The following SPRED1 variants were observed in gnomAD, a reference collection of about 807,000 sequenced individuals.
The protein encoded by SPRED1 is sprouty related EVH1 domain containing 1.
Under a neutral mutation model 52.3 loss-of-function variants are expected in SPRED1, and 18 were observed. That is an observed-to-expected ratio of 0.34 (90% CI 0.24 to 0.51). The LOEUF (loss-of-function observed/expected upper bound fraction) is 0.51. SPRED1 is among the 20% of genes least tolerant of loss of function. SPRED1 has a pLI of 0.97. For missense variants in SPRED1, 485 were observed against 551.0 expected, an observed-to-expected ratio of 0.88 and a Z score of 1.20; for synonymous variants, 155 against 179.7, an observed-to-expected ratio of 0.86 and a Z score of 1.10.
chr15:38,299,757 CT>C (rs1306692355), intron 2 of SPRED1, among the ~76,000 whole-genome samples: 1 of 151,850 alleles, frequency 6.6e-6, no homozygotes, highest in African/African-American at 2.4e-5. Flanking sequence ...GGGGTTGCTG[CT>C]TTTCCATTTA....
intron 5 of SPRED1, among the ~76,000 whole-genome samples, chr15:38,340,995 ATTTTTTTT>A (rs36150872): frequency 7.8e-6 from 1 of 128,292 alleles, no homozygotes; most frequent in Non-Finnish European, 1.6e-5. Context: ...CTGGGCCTGG[ATTTTTTTT>A]TTTTTTTTTT....
chr15:38,265,381 AT>A (rs774449759), intron 1 of SPRED1, among the ~76,000 whole-genome samples: 3 of 152,144 alleles, frequency 2.0e-5, no homozygotes, highest in Non-Finnish European at 4.4e-5. Context: ...ATCAGTGCTC[AT>A]TTTCATTTAG....
chr15:38,265,190 C>T (rs188628117), intron 1 of SPRED1, among the ~76,000 whole-genome samples: 2 of 152,274 alleles, frequency 1.3e-5, no homozygotes, highest in East Asian at 1.9e-4. Context: ...TGGCAAATAA[C>T]ATAACCTGTC....
At chr15:38,333,582 A>G (rs1424684430) in intron 4 of SPRED1, among the ~76,000 whole-genome samples, 1 of 152,152 alleles carries the variant, frequency 6.6e-6, no homozygotes, top group African/African-American at 2.4e-5. Flanking sequence ...ATAGAAATTA[A>G]ATAGCAGAAA....
intron 2 of SPRED1, among the ~76,000 whole-genome samples, chr15:38,300,680 A>T (rs531176611): frequency 1.3e-4 from 20 of 152,170 alleles, no homozygotes; most frequent in Non-Finnish European, 2.8e-4. Flanking sequence ...CCCATGCTAC[A>T]CATTGTATAA....
At chr15:38,291,156 A>G (rs1894915693) in intron 1 of SPRED1, among the ~76,000 whole-genome samples, 1 of 152,224 alleles carries the variant, frequency 6.6e-6, no homozygotes, top group African/African-American at 2.4e-5. Flanking sequence ...TACAGGGCCC[A>G]TGCAAGTCTT....
chr15:38,349,794 T>A (rs997788167), intron 6 of SPRED1, among the ~76,000 whole-genome samples: 39 of 152,312 alleles, frequency 2.6e-4, no homozygotes, highest in African/African-American at 8.9e-4. Context: ...TCACCCCACC[T>A]TTAGCTCAGA....
At chr15:38,299,950 G>A (rs1377839465) in intron 2 of SPRED1, among the ~76,000 whole-genome samples, 1 of 152,066 alleles carries the variant, frequency 6.6e-6, no homozygotes, top group Non-Finnish European at 1.5e-5. Flanking sequence ...GTTTTACATG[G>A]TTGGAAAAAA....
At chr15:38,349,123 A>AT (rs1392191875) in intron 5 of SPRED1, among the ~76,000 whole-genome samples, 2 of 152,134 alleles carry the variant, frequency 1.3e-5, no homozygotes, top group African/African-American at 4.8e-5. Context: ...TGGTTGAATA[A>AT]TATTCCACTC....
Position 38,272,851 on chromosome 15 carries a change from T to C in SPRED1, c.32+19634T>C, listed in dbSNP as rs186810969. On this transcript the variant is annotated intron_variant, in intron 1 of 6. Transcript: ENST00000299084. ...TATGTCTTCTTTTGAGCAGTGTCTGTTTATGTCTTTTGCCCTTTTTAAAAT... is the reference window on the plus strand; with the variant it reads ...TATGTCTTCTTTTGAGCAGTGTCTGCTTATGTCTTTTGCCCTTTTTAAAAT... Among the ~76,000 whole-genome samples, 8 of 152,332 alleles carry C rather than the reference T, an allele frequency of 5.3e-5. No individual in the cohort carries two copies. The East Asian group carries it at 1.5e-3, about 29-fold the overall frequency.
At chr15:38,263,823 A>G (rs1894250868) in intron 1 of SPRED1, among the ~76,000 whole-genome samples, 1 of 152,182 alleles carries the variant, frequency 6.6e-6, no homozygotes, top group African/African-American at 2.4e-5. Flanking sequence ...AAAAAAACGA[A>G]TCACAAAAAA....
chr15:38,307,380 A>G (rs747101098), intron 2 of SPRED1, among the ~76,000 whole-genome samples: 1 of 151,792 alleles, frequency 6.6e-6, no homozygotes, highest in African/African-American at 2.4e-5. Context: ...GTATTGGCCA[A>G]TTTTCTGTTT....
At chr15:38,297,269 T>C (rs1208423733) in intron 1 of SPRED1, among the ~76,000 whole-genome samples, 1 of 152,222 alleles carries the variant, frequency 6.6e-6, no homozygotes, top group East Asian at 1.9e-4. Context: ...AGATTAGAAA[T>C]TGAGTTACAG....
chr15:38,340,613 A>G (rs186105419), intron 5 of SPRED1, among the ~76,000 whole-genome samples: 127 of 152,010 alleles, frequency 8.4e-4, no homozygotes, highest in African/African-American at 3.0e-3. Context: ...GCTCACTGCA[A>G]CCTCTGCCAC....
intron 1 of SPRED1, among the ~76,000 whole-genome samples, chr15:38,288,218 G>C (rs1352721472): frequency 6.6e-6 from 1 of 152,148 alleles, no homozygotes; most frequent in African/African-American, 2.4e-5. Flanking sequence ...GCTCAGAAGA[G>C]GAAGGTAGAG....
chr15:38,337,013 T>C (rs1566871987), intron 4 of SPRED1, among the ~76,000 whole-genome samples: 1 of 152,188 alleles, frequency 6.6e-6, no homozygotes, highest in Admixed American at 6.6e-5. Flanking sequence ...ATTTTAGTAC[T>C]CTTTTTTTCT....
At position 38,322,386 on chromosome 15, in the gene SPRED1, G is replaced by A. The variant is rs373381933; in HGVS notation, c.353G>A (p.Arg118Lys). 8.7e-6 allele frequency: 14 copies of A among 1,613,634 alleles called. No individual in the cohort carries two copies. In the African/African-American group the frequency reaches 1.7e-4, roughly 20 times the overall value. Residue 118 changes from arginine to lysine, a missense_variant, in exon 3 of 7, where the codon AGA becomes AAA. Physicochemically the swap from Arg to Lys is conservative, Grantham distance 26. This residue lies in a region of SPRED1 where 232 missense variants were observed against 231.8 expected (regional missense o/e 1.00). Coordinates refer to ENST00000299084, the MANE Select transcript of SPRED1 (RefSeq NM_152594.3). ...DARAFDRGIR[R>K]AIEDISQGCP... Reference sequence around the variant, plus strand: ...AGGGCTTTTGATAGAGGTATCCGAAGAGCTATAGAGGATATTTCTCAAGGT... The same window carrying A: ...AGGGCTTTTGATAGAGGTATCCGAAAAGCTATAGAGGATATTTCTCAAGGT...
chr15:38,259,825 C>T (rs1431904026), intron 1 of SPRED1, among the ~76,000 whole-genome samples: 1 of 152,144 alleles, frequency 6.6e-6, no homozygotes, highest in East Asian at 1.9e-4. Context: ...AGTATTATGT[C>T]ATAGCTGCAT....
intron 1 of SPRED1, among the ~76,000 whole-genome samples, chr15:38,267,445 G>T (rs995122624): frequency 6.6e-6 from 1 of 152,044 alleles, no homozygotes; most frequent in Admixed American, 6.6e-5. Flanking sequence ...AGTACAAGTG[G>T]TTTTTTAAAA....
Sources: gnomAD v4.1 joint callset for allele counts (sites outside exome capture counted in the v4.1 genomes callset) on GRCh38, gnomAD v4.1.1 for gene constraint, gnomAD v4.1.1 regional missense constraint, MANE v1.5 for transcripts, NCBI Gene and HGNC (gene_info 2026-07-23, HGNC 2026-07-21) for gene names.